The following MMAA variants were observed in gnomAD, a reference collection of about 807,000 sequenced individuals.
MMAA encodes metabolism of cobalamin associated A.
A neutral mutation model predicts 45.0 loss-of-function variants in MMAA; 41 were observed. That is an observed-to-expected ratio of 0.91 (90% CI 0.71 to 1.18). MMAA has a LOEUF of 1.18. Among genes scored for constraint, MMAA ranks in the 50% most tolerant of loss-of-function variants. The probability of loss-of-function intolerance (pLI) is 0.00; values close to 1 mark genes in which losing one functional copy is unlikely to be tolerated. For missense variants in MMAA, 460 were observed against 495.7 expected, an observed-to-expected ratio of 0.93 and a Z score of 0.68; for synonymous variants, 154 against 178.2, an observed-to-expected ratio of 0.86 and a Z score of 1.08.
Position 145,656,541 on chromosome 4 carries a change from A to AG in MMAA, c.*1107_*1108insG, listed in dbSNP as rs555018325. The stretch of plus-strand genomic sequence containing the variant: ...TATCTTGAAACTACAAACCTGATGT[A>AG]TAATTTCAGTTTTCTCTCATGGTCT... On this transcript the variant is annotated 3_prime_UTR_variant, in exon 7 of 7. Transcript: ENST00000649156. The AG allele has an allele frequency of 1.2e-3, 188 of 152,332 alleles. No homozygotes were observed. The highest frequency in any genetic ancestry group is 4.2e-3 in the African/African-American group (175 of 41,592). 9.4% of individuals were successfully genotyped at this position (152,332 alleles called of 1,614,324 possible).
intron 3 of MMAA, among the ~76,000 whole-genome samples, chr4:145,643,882 T>A (rs1355570212): frequency 6.6e-6 from 1 of 152,158 alleles, no homozygotes; most frequent in South Asian, 2.1e-4. Flanking sequence ...TAGCCTGTGA[T>A]TAAAGTTACA....
chr4:145,635,859 C>T (rs556317525), intron 1 of MMAA, among the ~76,000 whole-genome samples: 1 of 152,338 alleles, frequency 6.6e-6, no homozygotes, highest in South Asian at 2.1e-4. Flanking sequence ...GGCAGAGTTA[C>T]TAATATCTAC....
chr4:145,632,131 A>G (rs2126611828), intron 1 of MMAA, among the ~76,000 whole-genome samples: 2 of 152,282 alleles, frequency 1.3e-5, no homozygotes, highest in Middle Eastern at 6.8e-3. Flanking sequence ...CTTATTGCTC[A>G]CTAATGTCCT....
chr4:145,639,147 TG>T lies in MMAA; in HGVS notation c.9del (p.Met3IlefsTer11). ...GTTACAAATAAAACGAATATGCCCA[TG>T]CTGCTACCACATCCTCACCAGCATT... The part of the protein sequence containing the change: MP[M>X]LLPHPHQHFL... On this transcript the variant is annotated frameshift_variant, in exon 2 of 7. Transcript: ENST00000649156. LOFTEE classifies it high-confidence loss of function. 6.2e-7 allele frequency: 1 copy of T among 1,614,182 alleles called. No individual in the cohort carries two copies. The highest frequency in any genetic ancestry group is 2.2e-5 in the East Asian group (1 of 44,888).
chr4:145,627,785 G>GTA (rs1194318454), intron 1 of MMAA, among the ~76,000 whole-genome samples: 1 of 151,984 alleles, frequency 6.6e-6, no homozygotes, highest in Non-Finnish European at 1.5e-5. Context: ...TTTTATTATA[G>GTA]TATATATATA....
intron 4 of MMAA, 28 bp downstream of exon 4, chr4:145,646,184 A>G (rs1283100969): frequency 1.9e-6 from 3 of 1,611,664 alleles, no homozygotes; most frequent in African/African-American, 1.3e-5. Context: ...TTTCATAACA[A>G]TGTACTATTT....
At chr4:145,648,983 T>A (rs1728016633) in intron 4 of MMAA, among the ~76,000 whole-genome samples, 1 of 151,464 alleles carries the variant, frequency 6.6e-6, no homozygotes, top group South Asian at 2.1e-4. Flanking sequence ...TGAGACTCTG[T>A]CTCAAAAAAT....
rs781521709 is a variant in MMAA at position 145,655,487 on chromosome 4, T to A, written c.*53T>A. 2 of 1,478,596 alleles carry A rather than the reference T, an allele frequency of 1.4e-6. No homozygotes were observed. The highest frequency in any genetic ancestry group is 1.9e-5 in the Admixed American group (1 of 53,126). 91.6% of individuals were successfully genotyped at this position (1,478,596 alleles called of 1,614,324 possible). A position where few individuals can be genotyped will look rare whatever the true frequency, so the allele number is the denominator to read the frequency against. On this transcript the variant is annotated 3_prime_UTR_variant, in exon 7 of 7. Transcript: ENST00000649156. Reference sequence around the variant, plus strand: ...CATATCATTTCATAAAGTATTTTAATAGAAAAATCACTTGTATGCTTATAT... The same window carrying A: ...CATATCATTTCATAAAGTATTTTAAAAGAAAAATCACTTGTATGCTTATAT...
rs1728261894 is a variant in MMAA, at chr4:145,657,343, A to G, written c.*1909A>G. Reference sequence around the variant, plus strand: ...TTCACCTCTGTTTCTGTTATTTGCTATACTGGAGGTAATATAATAATAATG... The same window carrying G: ...TTCACCTCTGTTTCTGTTATTTGCTGTACTGGAGGTAATATAATAATAATG... On this transcript the variant is annotated 3_prime_UTR_variant, in exon 7 of 7. Transcript: ENST00000649156. 1 of 152,114 alleles carries G rather than the reference A, an allele frequency of 6.6e-6. No homozygotes were observed. Among genetic ancestry groups the G allele is most frequent in the African/African-American group, 2.4e-5 (1 of 41,412 alleles). The allele number at this position is 152,114 out of a possible 1,614,324, so 9.4% of individuals were successfully genotyped here. A position where few individuals can be genotyped will look rare whatever the true frequency, so the allele number is the denominator to read the frequency against.
chr4:145,637,123 A>G (rs944388373), intron 1 of MMAA, among the ~76,000 whole-genome samples: 1 of 152,144 alleles, frequency 6.6e-6, no homozygotes, highest in African/African-American at 2.4e-5. Context: ...AGTCACCATT[A>G]CTCTTATCAC....
intron 1 of MMAA, among the ~76,000 whole-genome samples, chr4:145,621,779 G>A (rs1323460485): frequency 6.6e-6 from 1 of 152,150 alleles, no homozygotes; most frequent in Non-Finnish European, 1.5e-5. Context: ...TCTTGCCAGA[G>A]TAGTTATTGA....
rs2270655 is a variant in MMAA, at chr4:145,655,266, G to C, written c.1089G>C (p.Gln363His). The C allele has an allele frequency of 0.056, 90,997 of 1,614,116 alleles. 3,166 individuals carry two copies. The highest frequency in any genetic ancestry group is 0.13 in the South Asian group (11,496 of 91,084). Residue 363 changes from glutamine to histidine, a missense_variant, in exon 7 of 7, where the codon CAG (glutamine) becomes CAC (histidine). Gln to His is a conservative substitution (Grantham distance 24). Coordinates refer to ENST00000649156, the MANE Select transcript of MMAA (RefSeq NM_172250.3). ...TGACTGCCAAACGACGGAAGCAACAGAAAGTTTGGATGTGGAATCTCATTC... is the reference window on the plus strand; with the variant it reads ...TGACTGCCAAACGACGGAAGCAACACAAAGTTTGGATGTGGAATCTCATTC... ...GELTAKRRKQQKVWMWNLIQE... is the reference protein window; with the variant it reads ...GELTAKRRKQHKVWMWNLIQE...
intron 1 of MMAA, among the ~76,000 whole-genome samples, chr4:145,634,158 C>T (rs1451649833): frequency 6.6e-6 from 1 of 152,174 alleles, no homozygotes; most frequent in Non-Finnish European, 1.5e-5. Context: ...TGGTAAGTTC[C>T]CCCAGGCTCC....
chr4:145,629,624 A>G, intron 1 of MMAA, among the ~76,000 whole-genome samples: 1 of 152,184 alleles, frequency 6.6e-6, no homozygotes, highest in Non-Finnish European at 1.5e-5. Flanking sequence ...GCTGACAAAG[A>G]CATACCTGAG....
intron 1 of MMAA, among the ~76,000 whole-genome samples, chr4:145,627,470 A>G (rs1350248226): frequency 2.6e-5 from 4 of 152,202 alleles, no homozygotes; most frequent in Non-Finnish European, 4.4e-5. Context: ...AACCTAAAAA[A>G]AAAATTGGAA....
At position 145,655,172 on chromosome 4, in the gene MMAA, G is replaced by T. The variant is rs750327703; in HGVS notation, c.995G>T (p.Gly332Val). Reference sequence around the variant, plus strand: ...GTAATTCGTATTTCTGCCCGAAGTGGAGAGGGGATCTCTGAAATGTGGGAT... The same window carrying T: ...GTAATTCGTATTTCTGCCCGAAGTGTAGAGGGGATCTCTGAAATGTGGGAT... ...PKVIRISARSGEGISEMWDKM... is the reference protein window; with the variant it reads ...PKVIRISARSVEGISEMWDKM... The change falls in exon 7 of 7, where the codon GGA becomes GTA. Residue 332 changes from glycine to valine, a missense_variant. Physicochemically the swap from Gly to Val is moderately radical, Grantham distance 109. Transcript: ENST00000649156. 6.2e-7 allele frequency: 1 copy of T among 1,614,112 alleles called. No homozygotes were observed. Among genetic ancestry groups the T allele is most frequent in the Non-Finnish European group, 8.5e-7 (1 of 1,179,986 alleles).
chr4:145,642,171 C>G (rs1727805475), intron 2 of MMAA, among the ~76,000 whole-genome samples, 192 bp from the exon 3 acceptor site: 1 of 152,140 alleles, frequency 6.6e-6, no homozygotes. Flanking sequence ...GTGTTTCCTT[C>G]CTATAGCCCC....
At chr4:145,625,398 G>T in intron 1 of MMAA, 1 of 702,568 alleles carries the variant, frequency 1.4e-6, no homozygotes, top group South Asian at 1.4e-5. Context: ...GGAGCCTAAT[G>T]ACCACTGGCA....
At chr4:145,623,544 G>A (rs1329495930) in intron 1 of MMAA, among the ~76,000 whole-genome samples, 7 of 152,170 alleles carry the variant, frequency 4.6e-5, no homozygotes, top group African/African-American at 1.4e-4. Context: ...GAATAATAAT[G>A]TAGAACATGT....
Sources: allele counts gnomAD v4.1 joint callset (sites outside exome capture counted in the v4.1 genomes callset), GRCh38; gene constraint gnomAD v4.1.1; transcripts MANE v1.5; gene names NCBI Gene and HGNC (gene_info 2026-07-23, HGNC 2026-07-21).